The following ITGA1 variants were observed in gnomAD, a reference collection of about 807,000 sequenced individuals.
ITGA1 encodes the protein integrin subunit alpha 1.
In ITGA1, 85 loss-of-function variants were observed where a neutral mutation model predicts 145.9. That is an observed-to-expected ratio of 0.58 (90% CI 0.49 to 0.70). ITGA1 has a LOEUF of 0.70. Among genes scored for constraint, ITGA1 ranks in the 30% least tolerant of loss-of-function variants. The pLI, the probability that ITGA1 is intolerant of heterozygous loss-of-function variation, is 0.00. For synonymous variants in ITGA1, 520 were observed against 495.3 expected (o/e 1.05, Z -0.66); for missense variants, 1,351 against 1,418.7 (o/e 0.95, Z 0.77).
chr5:52,930,950 A>G (rs922391822), intron 21 of ITGA1, among the ~76,000 whole-genome samples: 2 of 152,142 alleles, frequency 1.3e-5, no homozygotes, highest in Non-Finnish European at 2.9e-5. Flanking sequence ...GAATTTAGGA[A>G]GGCTGCAGTG....
chr5:52,802,025 G>A, intron 1 of ITGA1: 1 of 524,154 alleles, frequency 1.9e-6, no homozygotes, highest in Non-Finnish European at 3.4e-6. Flanking sequence ...TAAACTAAAA[G>A]GAAATAATCT....
chr5:52,908,024 A>G (rs1177788967), intron 12 of ITGA1, among the ~76,000 whole-genome samples: 1 of 152,188 alleles, frequency 6.6e-6, no homozygotes, highest in Non-Finnish European at 1.5e-5. Flanking sequence ...CTTAGTAGAA[A>G]TTTTTAAGAA....
intron 17 of ITGA1, among the ~76,000 whole-genome samples, chr5:52,922,002 T>C (rs1203046850): frequency 6.6e-6 from 1 of 152,178 alleles, no homozygotes; most frequent in Non-Finnish European, 1.5e-5. Context: ...CAAATAATTT[T>C]ACATTATAAA....
chr5:52,893,659 TTC>T lies in ITGA1; in HGVS notation c.925-14_925-13del. On this transcript the variant is annotated splice_polypyrimidine_tract_variant and intron_variant, in intron 8 of 28. Coordinates refer to ENST00000282588, the MANE Select transcript of ITGA1 (RefSeq NM_181501.2). ...AGAATTTAAAATATATTCTTGCTGT[TTC>T]TGTTGTGTCTTAGATTCTTGGCAGC... The T allele has an allele frequency of 6.2e-7, 1 of 1,600,504 alleles. No homozygotes were observed. The highest frequency in any genetic ancestry group is 8.5e-7 in the Non-Finnish European group (1 of 1,173,182).
intron 11 of ITGA1, chr5:52,903,821 A>G (rs1344160517): frequency 1.3e-5 from 2 of 152,226 alleles, no homozygotes; most frequent in African/African-American, 2.4e-5. Flanking sequence ...CAAAACACAA[A>G]GAACAAATCT....
At chr5:52,789,647 C>T (rs746326304) in intron 1 of ITGA1, among the ~76,000 whole-genome samples, 35 of 152,196 alleles carry the variant, frequency 2.3e-4, no homozygotes, top group Non-Finnish European at 3.8e-4. Flanking sequence ...GCATTATAGC[C>T]GGTGAGTGGT....
chr5:52,881,119 G>T (rs916180811), intron 6 of ITGA1, among the ~76,000 whole-genome samples: 5 of 152,164 alleles, frequency 3.3e-5, no homozygotes, highest in Admixed American at 2.0e-4. Context: ...AAGGAAAGAA[G>T]GTGGAGTTGG....
intron 14 of ITGA1, among the ~76,000 whole-genome samples, chr5:52,911,379 T>A (rs956676059): frequency 5.2e-5 from 7 of 134,222 alleles, no homozygotes; most frequent in Non-Finnish European, 1.1e-4. Context: ...AGTGAGTATA[T>A]AGTATATATA....
intron 1 of ITGA1, chr5:52,800,661 A>G: frequency 1.2e-6 from 2 of 1,614,158 alleles, no homozygotes; most frequent in East Asian, 2.2e-5. Context: ...CCAACATCCA[A>G]GAGAATGAGT....
At chr5:52,865,224 C>A in intron 5 of ITGA1, 142 bp downstream of exon 5, 1 of 607,264 alleles carries the variant, frequency 1.6e-6, no homozygotes, top group Non-Finnish European at 2.8e-6. Flanking sequence ...GTTTGCTTTG[C>A]CAGTATATAA....
At chr5:52,940,373 A>T (rs772056169) in intron 26 of ITGA1, among the ~76,000 whole-genome samples, 1 of 151,714 alleles carries the variant, frequency 6.6e-6, no homozygotes, top group Non-Finnish European at 1.5e-5. Context: ...TATTATATGT[A>T]TAATTTTATA....
chr5:52,946,887 T>A (rs569346971), intron 27 of ITGA1, among the ~76,000 whole-genome samples: 2 of 152,342 alleles, frequency 1.3e-5, no homozygotes, highest in Admixed American at 6.5e-5. Context: ...CATTATACTT[T>A]CAATTTATAA....
chr5:52,842,894 A>T (rs926489760), intron 1 of ITGA1, among the ~76,000 whole-genome samples: 3 of 151,870 alleles, frequency 2.0e-5, no homozygotes, highest in Non-Finnish European at 4.4e-5. Context: ...GTTTCACCAT[A>T]TTGGCCAGGC....
chr5:52,827,229 C>T (rs909200912), intron 1 of ITGA1, among the ~76,000 whole-genome samples: 25 of 151,192 alleles, frequency 1.7e-4, no homozygotes, highest in African/African-American at 5.1e-4. Flanking sequence ...ACTGCAGATA[C>T]GGTGGGAATA....
At chr5:52,901,936 C>T (rs868836037) in intron 11 of ITGA1, 2 of 152,238 alleles carry the variant, frequency 1.3e-5, no homozygotes, top group Middle Eastern at 3.4e-3. Flanking sequence ...AAGTCTAATA[C>T]ATGTAAGATT....
intron 11 of ITGA1, among the ~76,000 whole-genome samples, chr5:52,898,606 C>G (rs1301957379): frequency 6.6e-6 from 1 of 151,976 alleles, no homozygotes; most frequent in Non-Finnish European, 1.5e-5. Flanking sequence ...CTGTCTAATG[C>G]AGGGAATGGT....
intron 3 of ITGA1, among the ~76,000 whole-genome samples, chr5:52,861,958 C>G (rs1749612717): frequency 1.3e-5 from 2 of 151,756 alleles, no homozygotes; most frequent in African/African-American, 4.8e-5. Flanking sequence ...TGTCTCACAC[C>G]TGTAATCCCA....
intron 1 of ITGA1, among the ~76,000 whole-genome samples, chr5:52,830,403 C>T (rs1207713450): frequency 6.6e-6 from 1 of 152,080 alleles, no homozygotes; most frequent in Non-Finnish European, 1.5e-5. Flanking sequence ...ATAGGTAGGA[C>T]TGTAAGAATG....
intron 1 of ITGA1, chr5:52,800,289 C>G: frequency 1.6e-6 from 2 of 1,282,470 alleles, no homozygotes; most frequent in Non-Finnish European, 2.2e-6. Context: ...CCCTTAGAAA[C>G]CGGGCCCCGC....
Sources: gnomAD v4.1 joint callset for allele counts (sites outside exome capture counted in the v4.1 genomes callset) on GRCh38, gnomAD v4.1.1 for gene constraint, MANE v1.5 for transcripts, NCBI Gene and HGNC (gene_info 2026-07-23, HGNC 2026-07-21) for gene names.